Variants in IGBP1C observed in about 807,000 individuals in gnomAD.
IGBP1C encodes IGBP1 family member C.
chr17:58,679,651 A>G, the IGBP1C span: 1 of 152,098 alleles, frequency 6.6e-6, no homozygotes, highest in Non-Finnish European at 1.5e-5. Context: ...TGAAAAATCC[A>G]CCTTTAATGA....
the IGBP1C span, among the ~76,000 whole-genome samples, chr17:58,671,526 A>T: frequency 6.6e-6 from 1 of 151,984 alleles, no homozygotes; most frequent in Non-Finnish European, 1.5e-5. Flanking sequence ...TAGAATGAGG[A>T]GGGACTCTCT....
chr17:58,689,847 A>ATT, the IGBP1C span, among the ~76,000 whole-genome samples: 29 of 141,262 alleles, frequency 2.1e-4, no homozygotes, highest in Admixed American at 5.0e-4. Flanking sequence ...GGGCCAGAAG[A>ATT]TTTTTTTTTT....
chr17:58,691,534 G>A, the IGBP1C span, among the ~76,000 whole-genome samples: 678 of 152,030 alleles, frequency 4.5e-3, 3 homozygotes, highest in African/African-American at 0.015. Context: ...GGGCATGGTG[G>A]CGTGCGCCTG....
chr17:58,663,157 T>C, the IGBP1C span, among the ~76,000 whole-genome samples: 6 of 149,376 alleles, frequency 4.0e-5, no homozygotes, highest in Non-Finnish European at 4.4e-5. Context: ...GCATGGTGGC[T>C]CACACCTGTA....
chr17:58,675,845 C>T, the IGBP1C span, among the ~76,000 whole-genome samples: 10 of 152,184 alleles, frequency 6.6e-5, no homozygotes, highest in African/African-American at 9.6e-5. Flanking sequence ...GTCGCCTGGG[C>T]CTCCAAAGGT....
At chr17:58,664,228 A>C in the IGBP1C span, among the ~76,000 whole-genome samples, 1 of 152,338 alleles carries the variant, frequency 6.6e-6, no homozygotes, top group East Asian at 1.9e-4. Flanking sequence ...TCACATGAGG[A>C]AAGTAATACT....
At chr17:58,676,569 G>GAAAAC in the IGBP1C span, among the ~76,000 whole-genome samples, 21 of 151,934 alleles carry the variant, frequency 1.4e-4, no homozygotes, top group African/African-American at 3.9e-4. Flanking sequence ...TCAAACAAAA[G>GAAAAC]AAAACAAAAC....
At chr17:58,661,811 GTC>G in the IGBP1C span, 4 of 487,828 alleles carry the variant, frequency 8.2e-6, no homozygotes, top group Admixed American at 3.8e-5. Flanking sequence ...GTCAAACTTT[GTC>G]TCTCTGTTTC....
At chr17:58,662,018 C>T in the IGBP1C span, among the ~76,000 whole-genome samples, 1 of 151,962 alleles carries the variant, frequency 6.6e-6, no homozygotes, top group Non-Finnish European at 1.5e-5. Flanking sequence ...CAGTTCCTGC[C>T]ACACAGGGAA....
chr17:58,662,097 G>T, the IGBP1C span, among the ~76,000 whole-genome samples: 1 of 151,528 alleles, frequency 6.6e-6, no homozygotes, highest in Non-Finnish European at 1.5e-5. Flanking sequence ...TATGTATGAT[G>T]TAAAAAGTAC....
chr17:58,670,771 TTA>T, the IGBP1C span, among the ~76,000 whole-genome samples: 1,816 of 7,906 alleles, frequency 0.23, 247 homozygotes, highest in Middle Eastern at 1. Context: ...AGACTCCCTC[TTA>T]AAAAAAAAAA....
the IGBP1C span, chr17:58,660,760 T>G: frequency 1.3e-6 from 1 of 781,272 alleles, no homozygotes; most frequent in South Asian, 1.3e-5. Flanking sequence ...CTGGTAACAC[T>G]CCATGTTTCT....
At chr17:58,670,244 G>C in the IGBP1C span, among the ~76,000 whole-genome samples, 1 of 152,114 alleles carries the variant, frequency 6.6e-6, no homozygotes, top group African/African-American at 2.4e-5. Flanking sequence ...ACTACAGACT[G>C]TCGAAGGACC....
At chr17:58,670,729 C>T in the IGBP1C span, among the ~76,000 whole-genome samples, 4 of 129,134 alleles carry the variant, frequency 3.1e-5, no homozygotes, top group South Asian at 2.6e-4. Flanking sequence ...GTCAAGATTG[C>T]GCCACTACAC....
At chr17:58,664,051 A>C in the IGBP1C span, among the ~76,000 whole-genome samples, 1 of 152,044 alleles carries the variant, frequency 6.6e-6, no homozygotes, top group African/African-American at 2.4e-5. Context: ...CAGCAACAAC[A>C]AAAAAACAAC....
At chr17:58,684,567 A>G in the IGBP1C span, among the ~76,000 whole-genome samples, 1 of 151,878 alleles carries the variant, frequency 6.6e-6, no homozygotes, top group African/African-American at 2.4e-5. Context: ...CCAGGGAGGC[A>G]GTGGTGGCAG....
At chr17:58,677,795 G>C in the IGBP1C span, 1 of 152,120 alleles carries the variant, frequency 6.6e-6, no homozygotes, top group Non-Finnish European at 1.5e-5. Flanking sequence ...CTTCACATAG[G>C]GTCACTCTTC....
chr17:58,678,951 C>T, the IGBP1C span, among the ~76,000 whole-genome samples: 5 of 151,624 alleles, frequency 3.3e-5, no homozygotes, highest in South Asian at 2.1e-4. Flanking sequence ...GTTAGGAGTG[C>T]GAGACCAGCC....
chr17:58,683,002 G>A, the IGBP1C span, among the ~76,000 whole-genome samples: 5 of 147,982 alleles, frequency 3.4e-5, no homozygotes, highest in Non-Finnish European at 7.4e-5. Flanking sequence ...GCAATGTGTC[G>A]AGATCGCGCC....
Sources: gnomAD v4.1 joint callset for allele counts (sites outside exome capture counted in the v4.1 genomes callset) on GRCh38, gnomAD v4.1.1 for gene constraint, MANE v1.5 for transcripts, NCBI Gene and HGNC (gene_info 2026-07-23, HGNC 2026-07-21) for gene names.